Variants in TOP6BL observed in about 807,000 individuals in gnomAD.
The protein encoded by TOP6BL is type 2 DNA topoisomerase 6 subunit B-like.
the TOP6BL span, among the ~76,000 whole-genome samples, chr11:66,782,121 T>G: frequency 6.6e-6 from 1 of 152,180 alleles, no homozygotes; most frequent in African/African-American, 2.4e-5. Context: ...ATCTCCTCTG[T>G]GGGTTTTGTC....
chr11:66,833,177 T>C, the TOP6BL span, among the ~76,000 whole-genome samples: 3 of 151,306 alleles, frequency 2.0e-5, no homozygotes, highest in Non-Finnish European at 4.4e-5. Flanking sequence ...GCCTCCCGAG[T>C]AGCTGGGATT....
At chr11:66,843,080 G>A in the TOP6BL span, 8 of 1,581,840 alleles carry the variant, frequency 5.1e-6, no homozygotes, top group South Asian at 5.7e-5. Context: ...GTAACTGGGC[G>A]AGGGCCGCGC....
chr11:66,820,617 G>C, the TOP6BL span, among the ~76,000 whole-genome samples: 2 of 152,218 alleles, frequency 1.3e-5, no homozygotes, highest in Non-Finnish European at 2.9e-5. Context: ...TGTCATCTCT[G>C]TGAATTTTAA....
chr11:66,834,222 C>T, the TOP6BL span, among the ~76,000 whole-genome samples: 1 of 152,142 alleles, frequency 6.6e-6, no homozygotes, highest in African/African-American at 2.4e-5. Context: ...TCATAATTTG[C>T]CCAGAATCAC....
the TOP6BL span, among the ~76,000 whole-genome samples, chr11:66,779,016 G>A: frequency 6.6e-6 from 1 of 152,170 alleles, no homozygotes; most frequent in African/African-American, 2.4e-5. Context: ...ATTAATTCAA[G>A]ATGGATTAAA....
At chr11:66,762,221 G>C in the TOP6BL span, 1 of 620,862 alleles carries the variant, frequency 1.6e-6, no homozygotes, top group Non-Finnish European at 2.9e-6. Context: ...TGCAGGGCCC[G>C]CGAGGCCGCA....
chr11:66,769,720 T>A, the TOP6BL span, among the ~76,000 whole-genome samples: 1 of 151,344 alleles, frequency 6.6e-6, no homozygotes, highest in South Asian at 2.1e-4. Flanking sequence ...ATTTATTTAT[T>A]TATTTATTTA....
the TOP6BL span, chr11:66,842,929 AGG>A: frequency 6.4e-7 from 1 of 1,560,156 alleles, no homozygotes; most frequent in Non-Finnish European, 8.7e-7. Context: ...GCGCTCTGCC[AGG>A]GCCCCGAGCC....
the TOP6BL span, chr11:66,788,125 C>T: frequency 6.8e-7 from 1 of 1,460,340 alleles, no homozygotes; most frequent in Non-Finnish European, 9.6e-7. Flanking sequence ...ATCCAAACTG[C>T]TTGTTTGACT....
chr11:66,820,354 TG>T, the TOP6BL span, among the ~76,000 whole-genome samples: 2 of 152,210 alleles, frequency 1.3e-5, no homozygotes, highest in Non-Finnish European at 2.9e-5. Context: ...AGTTTTAGGC[TG>T]CTTCCCATAG....
the TOP6BL span, among the ~76,000 whole-genome samples, chr11:66,773,170 A>G: frequency 6.6e-6 from 1 of 152,032 alleles, no homozygotes; most frequent in Admixed American, 6.6e-5. Flanking sequence ...CCCTGGCTCA[A>G]GCGATCCTCT....
At chr11:66,803,493 A>G in the TOP6BL span, among the ~76,000 whole-genome samples, 1 of 152,166 alleles carries the variant, frequency 6.6e-6, no homozygotes, top group Non-Finnish European at 1.5e-5. Context: ...CAGTGGCGCA[A>G]TATCAGCTCA....
the TOP6BL span, among the ~76,000 whole-genome samples, chr11:66,778,098 T>C: frequency 3.3e-5 from 5 of 151,744 alleles, no homozygotes; most frequent in South Asian, 1.0e-3. Context: ...TCTTTCTTTT[T>C]TTTTTTTTTT....
the TOP6BL span, among the ~76,000 whole-genome samples, chr11:66,837,185 G>A: frequency 6.6e-6 from 1 of 152,004 alleles, no homozygotes; most frequent in East Asian, 1.9e-4. Context: ...GGAGTGCAGT[G>A]GTGTGATCTT....
chr11:66,840,158 C>T, the TOP6BL span, among the ~76,000 whole-genome samples: 1 of 152,164 alleles, frequency 6.6e-6, no homozygotes, highest in African/African-American at 2.4e-5. Flanking sequence ...AGAAAATCAC[C>T]AAACTGTGTG....
chr11:66,770,853 C>T, the TOP6BL span, among the ~76,000 whole-genome samples: 1 of 152,124 alleles, frequency 6.6e-6, no homozygotes, highest in Admixed American at 6.6e-5. Flanking sequence ...CCCCTGCTGC[C>T]TTGACTTTCT....
At chr11:66,800,905 T>C in the TOP6BL span, 1 of 1,092,374 alleles carries the variant, frequency 9.2e-7, no homozygotes. Flanking sequence ...CATTTTCCCC[T>C]TGGTTAATTA....
the TOP6BL span, chr11:66,843,125 C>T: frequency 1.2e-6 from 2 of 1,604,576 alleles, no homozygotes; most frequent in Non-Finnish European, 1.7e-6. Flanking sequence ...AGGCCACGGG[C>T]CGCTGCTGAG....
the TOP6BL span, chr11:66,814,115 G>A: frequency 8.5e-6 from 11 of 1,290,400 alleles, no homozygotes; most frequent in Admixed American, 2.3e-4. Context: ...AATATGACCA[G>A]AGATCTGATG....
Sources: gnomAD v4.1 joint callset for allele counts (sites outside exome capture counted in the v4.1 genomes callset) on GRCh38, gnomAD v4.1.1 for gene constraint, MANE v1.5 for transcripts, NCBI Gene and HGNC (gene_info 2026-07-23, HGNC 2026-07-21) for gene names.